The following GDPD4 variants were observed in gnomAD, a reference collection of about 807,000 sequenced individuals.
The protein encoded by GDPD4 is glycerophosphodiester phosphodiesterase domain containing 4.
Under a neutral mutation model 67.8 loss-of-function variants are expected in GDPD4, and 60 were observed. The ratio of observed to expected loss-of-function variants is 0.88; its 90% confidence interval spans 0.72 to 1.10. The LOEUF is 1.10. GDPD4 is among the 50% of genes least tolerant of loss of function. The probability of loss-of-function intolerance (pLI) is 0.00; values close to 1 mark genes in which losing one functional copy is unlikely to be tolerated. For synonymous variants in GDPD4, 212 were observed against 210.9 expected (o/e 1.00, Z -0.04); for missense variants, 623 against 613.9 (o/e 1.01, Z -0.16).
chr11:77,244,243 C>T (rs577075254), intron 12 of GDPD4, among the ~76,000 whole-genome samples: 173 of 152,242 alleles, frequency 1.1e-3, no homozygotes, highest in Non-Finnish European at 2.0e-3. Context: ...CCGTATTAGC[C>T]AGGATGGTCT....
chr11:77,227,468 T>C (rs1958365029), intron 16 of GDPD4, among the ~76,000 whole-genome samples: 1 of 152,226 alleles, frequency 6.6e-6, no homozygotes, highest in Non-Finnish European at 1.5e-5. Context: ...TTTTGCCTTC[T>C]TCCTCACTGC....
chr11:77,266,706 A>G (rs1959179740), intron 10 of GDPD4, among the ~76,000 whole-genome samples: 2 of 152,176 alleles, frequency 1.3e-5, no homozygotes, highest in African/African-American at 4.8e-5. Context: ...GTGTAAGCCT[A>G]GGCTAATGTG....
intron 5 of GDPD4, among the ~76,000 whole-genome samples, chr11:77,275,424 G>A (rs1202541710): frequency 3.9e-5 from 6 of 152,138 alleles, no homozygotes; most frequent in African/African-American, 1.4e-4. Flanking sequence ...ACCCAAGACG[G>A]GGTAAAAAGG....
chr11:77,243,703 T>C lies in GDPD4; in HGVS notation c.1232A>G (p.Asn411Ser). The C allele has an allele frequency of 6.2e-7, 1 of 1,612,208 alleles. No homozygotes were observed. Among genetic ancestry groups the C allele is most frequent in the East Asian group, 2.2e-5 (1 of 44,868 alleles). Residue 411 changes from asparagine (N) to serine (S), a missense_variant, in exon 13 of 17, where the codon AAT becomes AGT. Transcript: ENST00000315938. ...GTGGTCAAACACTTACCTTAACCCA[T>C]TAGGGAACAACTTCTTGTAGTCAAC... Reference protein sequence around the residue: ...INVDYKKLFPNGLRDYKAANI... With the variant: ...INVDYKKLFPSGLRDYKAANI...
At chr11:77,255,609 C>T (rs1284214645) in intron 11 of GDPD4, among the ~76,000 whole-genome samples, 1 of 151,916 alleles carries the variant, frequency 6.6e-6, no homozygotes, top group Non-Finnish European at 1.5e-5. Context: ...ACTTGTAATC[C>T]CAGTACTTTG....
At chr11:77,289,396 A>C (rs12792615) in intron 1 of GDPD4, among the ~76,000 whole-genome samples, 1 of 150,912 alleles carries the variant, frequency 6.6e-6, no homozygotes, top group African/African-American at 2.4e-5. Context: ...AAAGGAGGGA[A>C]GACGGAAAGA....
chr11:77,291,672 C>T (rs1425916433), intron 1 of GDPD4, among the ~76,000 whole-genome samples: 2 of 152,104 alleles, frequency 1.3e-5, no homozygotes, highest in Non-Finnish European at 2.9e-5. Flanking sequence ...TTTTTAGAAA[C>T]TCTAATGTTT....
intron 3 of GDPD4, among the ~76,000 whole-genome samples, chr11:77,282,202 C>T (rs1254546318): frequency 2.0e-5 from 3 of 151,720 alleles, no homozygotes; most frequent in Admixed American, 6.6e-5. Context: ...TATAAGACTT[C>T]GGTAAGTCAA....
chr11:77,298,871 G>C (rs1938068769), intron 1 of GDPD4, among the ~76,000 whole-genome samples: 1 of 151,996 alleles, frequency 6.6e-6, no homozygotes, highest in Non-Finnish European at 1.5e-5. Flanking sequence ...GCCAGAGTCA[G>C]GTTGGAAAGA....
chr11:77,228,403 G>C (rs1329023776), intron 15 of GDPD4, among the ~76,000 whole-genome samples: 3 of 149,462 alleles, frequency 2.0e-5, no homozygotes, highest in African/African-American at 7.4e-5. Context: ...GGGAGGCTGA[G>C]GCAGGAGAAT....
At chr11:77,266,374 A>G (rs1041098345) in intron 10 of GDPD4, among the ~76,000 whole-genome samples, 3 of 152,190 alleles carry the variant, frequency 2.0e-5, no homozygotes, top group Non-Finnish European at 4.4e-5. Flanking sequence ...ACACTTCTGT[A>G]AACAAACCTG....
chr11:77,270,936 A>G (rs1306894689), intron 7 of GDPD4, 194 bp downstream of exon 7: 2 of 525,656 alleles, frequency 3.8e-6, no homozygotes, highest in Non-Finnish European at 6.6e-6. Flanking sequence ...GGCCACAGAA[A>G]TACTATGACA....
intron 11 of GDPD4, among the ~76,000 whole-genome samples, chr11:77,257,633 T>A (rs12808848): frequency 1.1e-4 from 16 of 149,274 alleles, no homozygotes; most frequent in Admixed American, 2.0e-4. Flanking sequence ...ACATCATCAT[T>A]ACTGCCCTTG....
At chr11:77,255,498 A>G (rs1367256347) in intron 11 of GDPD4, among the ~76,000 whole-genome samples, 4 of 152,116 alleles carry the variant, frequency 2.6e-5, no homozygotes, top group African/African-American at 9.7e-5. Context: ...CAGGAGGCGG[A>G]GGCTTCAGTG....
intron 10 of GDPD4, among the ~76,000 whole-genome samples, chr11:77,263,226 A>C (rs1478106067): frequency 6.6e-6 from 1 of 152,200 alleles, no homozygotes; most frequent in Non-Finnish European, 1.5e-5. Context: ...AAATATAGAA[A>C]CTTTTTTCTC....
intron 3 of GDPD4, among the ~76,000 whole-genome samples, chr11:77,279,681 C>G (rs1218735316): frequency 1.3e-5 from 2 of 151,928 alleles, no homozygotes; most frequent in Non-Finnish European, 2.9e-5. Context: ...ATTAACATAA[C>G]ACAGAAATTT....
At chr11:77,265,971 A>G (rs1394089508) in intron 10 of GDPD4, among the ~76,000 whole-genome samples, 1 of 152,214 alleles carries the variant, frequency 6.6e-6, no homozygotes, top group African/African-American at 2.4e-5. Flanking sequence ...CCATCCAAAT[A>G]GCAGCATGTT....
intron 1 of GDPD4, among the ~76,000 whole-genome samples, chr11:77,298,098 GT>G (rs925796100): frequency 4.8e-4 from 71 of 147,732 alleles, no homozygotes; most frequent in South Asian, 6.4e-4. Flanking sequence ...TTGTTGTTTC[GT>G]TTTTTTAAAA....
intron 1 of GDPD4, among the ~76,000 whole-genome samples, chr11:77,294,960 CTTTTTTTTTTTT>C (rs144796072): frequency 6.0e-5 from 4 of 66,384 alleles, no homozygotes; most frequent in Non-Finnish European, 8.0e-5. Flanking sequence ...TACAACTTTG[CTTTTTTTTTTTT>C]TTTTTTTTTT....
Sources: allele counts gnomAD v4.1 joint callset (sites outside exome capture counted in the v4.1 genomes callset), GRCh38; gene constraint gnomAD v4.1.1; transcripts MANE v1.5; gene names NCBI Gene and HGNC (gene_info 2026-07-23, HGNC 2026-07-21).